Variants in FRMD1 observed in about 807,000 individuals in gnomAD.
FRMD1 encodes the protein FERM domain-containing protein 1.
A neutral mutation model predicts 54.9 loss-of-function variants in FRMD1; 51 were observed. The observed-to-expected ratio is 0.93, with a 90% CI of 0.74 to 1.17. The LOEUF is 1.17. Ranked by LOEUF, FRMD1 falls within the 50% of genes most tolerant of loss-of-function variation. The pLI, the probability that FRMD1 is intolerant of heterozygous loss-of-function variation, is 0.00. For synonymous variants in FRMD1, 324 were observed against 306.4 expected, an observed-to-expected ratio of 1.06 and a Z score of -0.60; for missense variants, 729 against 743.0, an observed-to-expected ratio of 0.98 and a Z score of 0.22.
At chr6:168,065,851 T>TG in intron 4 of FRMD1, 2 of 1,000,122 alleles carry the variant, frequency 2.0e-6, no homozygotes, top group Non-Finnish European at 2.4e-6. Flanking sequence ...AGGGAATTCC[T>TG]GGGAAACCCC....
chr6:168,060,910 G>A lies in FRMD1; in HGVS notation c.1193C>T (p.Thr398Met), dbSNP rs376603772. Residue 398 changes from threonine to methionine, a missense_variant, in exon 9 of 11, where the codon ACG (threonine) becomes ATG (methionine). Thr to Met is a moderately conservative substitution (Grantham distance 81). Transcript: ENST00000283309. Reference sequence around the variant, plus strand: ...CCAGGAGTTGGCCTTGATGCCTGACGTGTAGGAACTGCCGTGGCTGTCGGC... The same window carrying A: ...CCAGGAGTTGGCCTTGATGCCTGACATGTAGGAACTGCCGTGGCTGTCGGC... ...HSADSHGSSY[T>M]SGIKANSWLR... The A allele has an allele frequency of 2.2e-5, 36 of 1,613,748 alleles. No individual in the cohort carries two copies. Among genetic ancestry groups the A allele is most frequent in the African/African-American group, 5.3e-5 (4 of 74,960 alleles).
intron 10 of FRMD1, among the ~76,000 whole-genome samples, chr6:168,058,476 A>G (rs1197388774): frequency 6.9e-6 from 1 of 145,470 alleles, no homozygotes; most frequent in Non-Finnish European, 1.5e-5. Context: ...ATCAGCCACA[A>G]CCGATTTTCT....
chr6:168,086,797 G>T (rs894242102), intron 1 of FRMD1, among the ~76,000 whole-genome samples: 1 of 152,224 alleles, frequency 6.6e-6, no homozygotes, highest in East Asian at 1.9e-4. Context: ...TGGATGGCAC[G>T]ATGTTCCATG....
chr6:168,062,919 G>T lies in FRMD1; in HGVS notation c.845C>A (p.Ala282Asp). The change falls in exon 7 of 11, where the codon GCC becomes GAC. Residue 282 changes from alanine (A) to aspartate (D), a missense_variant. Ala to Asp is a moderately radical substitution (Grantham distance 126). Coordinates refer to ENST00000283309, the MANE Select transcript of FRMD1 (RefSeq NM_024919.6). ...EGRPTVILGL[A>D]LRGVHIYQGK... ...CTGGTAGATGTGCACTCCCCTGAGG[G>T]CCAGTCCCAGGATCACGGTGGGACG... 1 of 1,614,066 alleles carries T rather than the reference G, an allele frequency of 6.2e-7. No homozygotes were observed. Among genetic ancestry groups the T allele is most frequent in the South Asian group, 1.1e-5 (1 of 91,076 alleles).
chr6:168,080,370 C>T (rs1425913883), upstream of FRMD1, among the ~76,000 whole-genome samples: 4 of 152,086 alleles, frequency 2.6e-5, no homozygotes, highest in African/African-American at 9.7e-5. Flanking sequence ...TTTCTCTCCA[C>T]AGCAAACGTA....
At chr6:168,079,662 C>A (rs1800772205), upstream of FRMD1, among the ~76,000 whole-genome samples, 1 of 152,198 alleles carries the variant, frequency 6.6e-6, no homozygotes, top group Non-Finnish European at 1.5e-5. Flanking sequence ...CGTTCCTGGA[C>A]AGGTTCTGCC....
chr6:168,081,650 G>A (rs1189371368), upstream of FRMD1: 14 of 741,580 alleles, frequency 1.9e-5, no homozygotes, highest in Non-Finnish European at 2.6e-5. Context: ...ATGCTGTTCC[G>A]TGGTGAGAAG....
upstream of FRMD1, chr6:168,081,650 G>C: frequency 1.3e-6 from 1 of 741,700 alleles, no homozygotes; most frequent in Non-Finnish European, 2.0e-6. Flanking sequence ...ATGCTGTTCC[G>C]TGGTGAGAAG....
intron 1 of FRMD1, among the ~76,000 whole-genome samples, chr6:168,078,533 C>A (rs1562430005): frequency 1.3e-5 from 2 of 150,048 alleles, no homozygotes; most frequent in South Asian, 2.1e-4. Flanking sequence ...CCCCTGCTCA[C>A]CCCCACGGCC....
intron 2 of FRMD1, among the ~76,000 whole-genome samples, chr6:168,072,681 C>A (rs1343072894): frequency 6.6e-6 from 1 of 152,016 alleles, no homozygotes; most frequent in East Asian, 1.9e-4. Flanking sequence ...CCCCTGAATT[C>A]CCCCCAATCC....
Position 168,053,291 on chromosome 6 carries a change from G to C in FRMD1, c.*3806C>G, listed in dbSNP as rs536983092. On this transcript the variant is annotated 3_prime_UTR_variant, in exon 11 of 11. Coordinates refer to ENST00000283309, the MANE Select transcript of FRMD1 (RefSeq NM_024919.6). ...CATCACAGCTCGCCGCCGTGAGAAC[G>C]GTCATGGGCCCGGCTGCAGGACCGG... 5 of 152,220 alleles carry C rather than the reference G, an allele frequency of 3.3e-5. No individual in the cohort carries two copies. The highest frequency in any genetic ancestry group is 1.2e-4 in the African/African-American group (5 of 41,436). The allele number at this position is 152,220 out of a possible 1,614,324, so 9.4% of individuals were successfully genotyped here. A position where few individuals can be genotyped will look rare whatever the true frequency, so the allele number is the denominator to read the frequency against.
intron 2 of FRMD1, among the ~76,000 whole-genome samples, chr6:168,072,564 A>G (rs1800361519): frequency 1.3e-5 from 2 of 152,174 alleles, no homozygotes; most frequent in African/African-American, 4.8e-5. Context: ...CGCGGACCAG[A>G]GCTCGCCCCC....
intron 2 of FRMD1, among the ~76,000 whole-genome samples, chr6:168,073,356 A>T (rs950906706): frequency 6.6e-6 from 1 of 152,200 alleles, no homozygotes; most frequent in African/African-American, 2.4e-5. Context: ...ACCTGCCCTC[A>T]GGGGCTCATG....
chr6:168,063,532 C>T, intron 6 of FRMD1, 69 bp downstream of exon 6: 1 of 1,488,928 alleles, frequency 6.7e-7, no homozygotes, highest in Non-Finnish European at 8.9e-7. Flanking sequence ...CCCACTCAGC[C>T]ATGGGGGCTC....
In FRMD1 at chr6:168,075,336, C is replaced by A. The variant is rs535778539; in HGVS notation, c.214-1G>T. On this transcript the variant is annotated splice_acceptor_variant, in intron 1 of 10. Transcript: ENST00000283309. LOFTEE classifies it high-confidence loss of function. Reference sequence around the variant, plus strand: ...AAAGCTCGCGGCCAGTAGCCTTCACCTGCAAAAGAGGTGGGGAGGGGTTCA... The same window carrying A: ...AAAGCTCGCGGCCAGTAGCCTTCACATGCAAAAGAGGTGGGGAGGGGTTCA... The A allele has an allele frequency of 5.0e-6, 8 of 1,612,234 alleles. No individual in the cohort carries two copies. In the South Asian group the frequency reaches 8.8e-5, roughly 18 times the overall value.
At chr6:168,058,365 T>A (rs1304994084) in intron 10 of FRMD1, among the ~76,000 whole-genome samples, 1 of 141,866 alleles carries the variant, frequency 7.0e-6, no homozygotes, top group Non-Finnish European at 1.5e-5. Context: ...CCCAGCCCTG[T>A]TCTCTCTCTC....
intron 4 of FRMD1, 88 bp from the exon 5 acceptor site, chr6:168,065,145 C>A: frequency 6.7e-7 from 1 of 1,482,882 alleles, no homozygotes; most frequent in Non-Finnish European, 8.9e-7. Flanking sequence ...CCCACACCAG[C>A]TCCCAGGGCT....
rs1799830906 is a variant in FRMD1 at position 168,062,960 on chromosome 6, C to G, written c.805-1G>C. On this transcript the variant is annotated splice_acceptor_variant, in intron 6 of 10. Transcript: ENST00000283309. LOFTEE classifies it high-confidence loss of function. ...CGGTGGGACGACCTTCCTTCTTATC[C>G]TAGAGGACACAGGTCAGAGGTCAAG... The G allele has an allele frequency of 6.2e-7, 1 of 1,613,692 alleles. No individual in the cohort carries two copies. The highest frequency in any genetic ancestry group is 2.2e-5 in the East Asian group (1 of 44,886).
At chr6:168,062,144 G>T (rs371112353) in intron 7 of FRMD1, among the ~76,000 whole-genome samples, 163 bp from the exon 8 acceptor site, 3 of 152,248 alleles carry the variant, frequency 2.0e-5, no homozygotes, top group Non-Finnish European at 4.4e-5. Context: ...CGGACACTGT[G>T]CTCTGCTCCG....
Sources: allele counts gnomAD v4.1 joint callset (sites outside exome capture counted in the v4.1 genomes callset), GRCh38; gene constraint gnomAD v4.1.1; transcripts MANE v1.5; gene names NCBI Gene and HGNC (gene_info 2026-07-23, HGNC 2026-07-21).